Variants in FHIT observed in about 807,000 individuals in gnomAD.
The protein encoded by FHIT is fragile histidine triad diadenosine triphosphatase.
FHIT carries 19 observed loss-of-function variants against 17.9 expected under a neutral mutation model. The ratio of observed to expected loss-of-function variants is 1.06; its 90% CI spans 0.74 to 1.56. FHIT has a LOEUF of 1.56. Ranked by LOEUF, FHIT falls within the 40% of genes most tolerant of loss-of-function variation. The pLI, the probability that FHIT is intolerant of heterozygous loss-of-function variation, is 0.00. For missense variants in FHIT, 248 were observed against 189.2 expected, an observed-to-expected ratio of 1.31 and a Z score of -1.82; for synonymous variants, 81 against 69.7, an observed-to-expected ratio of 1.16 and a Z score of -0.81.
At chr3:60,374,924 A>G (rs1287139415) in intron 5 of FHIT, among the ~76,000 whole-genome samples, 4 of 152,126 alleles carry the variant, frequency 2.6e-5, no homozygotes, top group Non-Finnish European at 4.4e-5. Flanking sequence ...TAAATTAAGA[A>G]TAAGAAACAG....
chr3:60,055,868 A>G (rs1467308971), intron 5 of FHIT, among the ~76,000 whole-genome samples: 2 of 152,192 alleles, frequency 1.3e-5, no homozygotes, highest in Non-Finnish European at 2.9e-5. Flanking sequence ...CTTTCTAGGC[A>G]GCTTCGAAGG....
At chr3:60,661,860 A>G (rs2040255387) in intron 4 of FHIT, among the ~76,000 whole-genome samples, 1 of 152,062 alleles carries the variant, frequency 6.6e-6, no homozygotes, top group Non-Finnish European at 1.5e-5. Context: ...TCTTCTGACA[A>G]TTGTCTATTC....
intron 5 of FHIT, among the ~76,000 whole-genome samples, chr3:60,387,727 C>G (rs1701067781): frequency 6.6e-6 from 1 of 152,120 alleles, no homozygotes; most frequent in African/African-American, 2.4e-5. Flanking sequence ...ACTATACCCT[C>G]AAACACACCA....
intron 5 of FHIT, among the ~76,000 whole-genome samples, chr3:60,357,136 GAT>G (rs1338161045): frequency 6.6e-6 from 1 of 152,196 alleles, no homozygotes; most frequent in Non-Finnish European, 1.5e-5. Context: ...ATTCTCAAGT[GAT>G]TAAGAAACTC....
At chr3:60,002,602 A>G (rs1485307660) in intron 7 of FHIT, among the ~76,000 whole-genome samples, 1 of 152,180 alleles carries the variant, frequency 6.6e-6, no homozygotes, top group East Asian at 1.9e-4. Flanking sequence ...TTTTCACTCA[A>G]ATGTCCTCAG....
At chr3:60,308,175 T>C (rs1169721489) in intron 5 of FHIT, among the ~76,000 whole-genome samples, 1 of 152,130 alleles carries the variant, frequency 6.6e-6, no homozygotes. Context: ...CAGTCTCAGC[T>C]CCACCTTTAC....
intron 5 of FHIT, among the ~76,000 whole-genome samples, chr3:60,198,573 G>A (rs1463535445): frequency 6.6e-6 from 1 of 152,114 alleles, no homozygotes; most frequent in East Asian, 1.9e-4. Flanking sequence ...CAGGGAGACT[G>A]CCTGAACACA....
At chr3:60,545,150 T>C (rs908878383) in intron 4 of FHIT, among the ~76,000 whole-genome samples, 1 of 152,080 alleles carries the variant, frequency 6.6e-6, no homozygotes, top group African/African-American at 2.4e-5. Context: ...TTTCACATAA[T>C]ACTGGTAAAA....
chr3:61,059,278 A>G (rs370960647), intron 2 of FHIT, among the ~76,000 whole-genome samples: 6 of 152,148 alleles, frequency 3.9e-5, no homozygotes, highest in African/African-American at 1.4e-4. Context: ...AGTAATTCAC[A>G]TGTGAATTTT....
chr3:59,941,920 G>C (rs1706539827), intron 7 of FHIT, among the ~76,000 whole-genome samples: 1 of 152,108 alleles, frequency 6.6e-6, no homozygotes, highest in Non-Finnish European at 1.5e-5. Flanking sequence ...GTTAGTGTGT[G>C]GAAAAGCAAT....
At chr3:59,828,764 C>T (rs989057945) in intron 8 of FHIT, among the ~76,000 whole-genome samples, 2 of 151,902 alleles carry the variant, frequency 1.3e-5, no homozygotes, top group Non-Finnish European at 2.9e-5. Context: ...GATTCCTTTA[C>T]AAGTACACAG....
chr3:60,760,603 A>C (rs1575490699), intron 4 of FHIT, among the ~76,000 whole-genome samples: 1 of 93,308 alleles, frequency 1.1e-5, no homozygotes, highest in Non-Finnish European at 2.9e-5. Context: ...CTTAAAACGA[A>C]AAGTTTCTCT....
chr3:60,163,994 T>C (rs1473094618), intron 5 of FHIT, among the ~76,000 whole-genome samples: 1 of 152,202 alleles, frequency 6.6e-6, no homozygotes, highest in South Asian at 2.1e-4. Flanking sequence ...TGCTGGCTTC[T>C]GCTCACCCTC....
intron 7 of FHIT, among the ~76,000 whole-genome samples, chr3:59,977,311 C>T (rs1248967060): frequency 1.3e-5 from 2 of 152,136 alleles, no homozygotes; most frequent in East Asian, 3.9e-4. Context: ...TTTCAAGCTA[C>T]TTGGAAGGCT....
At chr3:61,008,397 G>A (rs144104374) in intron 3 of FHIT, among the ~76,000 whole-genome samples, 2 of 152,254 alleles carry the variant, frequency 1.3e-5, no homozygotes, top group Non-Finnish European at 2.9e-5. Flanking sequence ...GGCAAGGGCT[G>A]CCCTTCTTGG....
In FHIT at chr3:60,734,678, A is replaced by AGATATCCTCAATC. The variant is rs767527550; in HGVS notation, c.-18+87240_-18+87241insGATTGAGGATATC. Among the ~76,000 whole-genome samples the AGATATCCTCAATC allele has an allele frequency of 2.0e-3, 309 of 152,354 alleles. 4 individuals carry two copies. Among genetic ancestry groups the AGATATCCTCAATC allele is most frequent in the East Asian group, 2.3e-3 (12 of 5,180 alleles). ...TCCCACCTGGCCTCAATCTCTGTATATTTTAGAGGATAGATAACTTCGAAT... is the reference window on the plus strand; with the variant it reads ...TCCCACCTGGCCTCAATCTCTGTATAGATATCCTCAATCTTTTAGAGGATAGATAACTTCGAAT... On this transcript the variant is annotated intron_variant, in intron 4 of 9. Coordinates refer to ENST00000492590, the MANE Select transcript of FHIT (RefSeq NM_002012.4).
intron 3 of FHIT, among the ~76,000 whole-genome samples, chr3:60,910,682 G>A (rs2107268092): frequency 6.6e-6 from 1 of 152,302 alleles, no homozygotes; most frequent in South Asian, 2.1e-4. Flanking sequence ...AAAGTGCTGG[G>A]ATTACAGGCA....
intron 3 of FHIT, among the ~76,000 whole-genome samples, chr3:60,996,922 T>G (rs996800033): frequency 1.3e-5 from 2 of 152,228 alleles, no homozygotes; most frequent in African/African-American, 4.8e-5. Context: ...ATTCAAGAAA[T>G]GAATTAAAAT....
chr3:60,343,150 A>C (rs1401745679), intron 5 of FHIT, among the ~76,000 whole-genome samples: 1 of 152,204 alleles, frequency 6.6e-6, no homozygotes, highest in Non-Finnish European at 1.5e-5. Context: ...AAAAAACTAC[A>C]GAATAAGTCA....
Sources: gnomAD v4.1 joint callset for allele counts (sites outside exome capture counted in the v4.1 genomes callset) on GRCh38, gnomAD v4.1.1 for gene constraint, MANE v1.5 for transcripts, NCBI Gene and HGNC (gene_info 2026-07-23, HGNC 2026-07-21) for gene names.